The following PUDP variants were observed in gnomAD, a reference collection of about 807,000 sequenced individuals.
PUDP encodes pseudouridine-5'-phosphatase.
In PUDP, 8 loss-of-function variants were observed where a neutral mutation model predicts 9.4. That is an observed-to-expected ratio of 0.85 (90% CI 0.50 to 1.53). The LOEUF (loss-of-function observed/expected upper bound fraction) is 1.53, where lower values mean the gene tolerates loss of function less well. Among genes scored for constraint, PUDP ranks in the 40% most tolerant of loss-of-function variants. The probability of loss-of-function intolerance (pLI) is 0.00; values close to 1 mark genes in which losing one functional copy is unlikely to be tolerated. For missense variants in PUDP, 188 were observed against 189.7 expected, an observed-to-expected ratio of 0.99 and a Z score of 0.05; for synonymous variants, 99 against 80.7, an observed-to-expected ratio of 1.23 and a Z score of -1.22.
At chrX:6,780,176 T>TATACAA (rs1269116618) in intron 3 of PUDP, among the ~76,000 whole-genome samples, 2 of 109,762 alleles carry the variant, frequency 1.8e-5, no homozygotes, top group African/African-American at 6.6e-5. Flanking sequence ...TACACACACA[T>TATACAA]ATACACATAC....
At chrX:6,876,489 G>C (rs202124441) in intron 3 of PUDP, among the ~76,000 whole-genome samples, 2 of 102,483 alleles carry the variant, frequency 2.0e-5, no homozygotes, top group African/African-American at 6.9e-5. Context: ...TATACATATA[G>C]ACACATATAC....
chrX:6,958,689 G>A (rs932846346), intron 3 of PUDP, among the ~76,000 whole-genome samples: 2 of 98,918 alleles, frequency 2.0e-5, no homozygotes, highest in Non-Finnish European at 4.0e-5. Context: ...CTGAGATCAC[G>A]CCATTGCACT....
chrX:7,089,495 G>A (rs1374939933), intron 2 of PUDP, among the ~76,000 whole-genome samples: 1 of 111,355 alleles, frequency 9.0e-6, no homozygotes, highest in Non-Finnish European at 1.9e-5. Flanking sequence ...TTGGGGTGGA[G>A]GGCCCAATGG....
chrX:7,039,883 G>A (rs190452924), intron 1 of PUDP, among the ~76,000 whole-genome samples: 253 of 111,832 alleles, frequency 2.3e-3, no homozygotes, highest in African/African-American at 7.5e-3. Context: ...GACATTCTTC[G>A]GGAGAAATGC....
At chrX:6,933,427 G>C (rs894073998) in intron 3 of PUDP, among the ~76,000 whole-genome samples, 1 of 111,372 alleles carries the variant, frequency 9.0e-6, no homozygotes, top group African/African-American at 3.3e-5. Context: ...TGAGGGTCCT[G>C]TCTGTTAGAA....
chrX:6,896,391 T>C (rs1217086359), intron 3 of PUDP, among the ~76,000 whole-genome samples: 1 of 112,067 alleles, frequency 8.9e-6, no homozygotes, highest in Admixed American at 9.5e-5. Context: ...CTTAACATTG[T>C]TTAAATGGAA....
intron 2 of PUDP, among the ~76,000 whole-genome samples, chrX:7,104,473 A>G (rs1186989451): frequency 1.8e-5 from 2 of 112,019 alleles, no homozygotes; most frequent in African/African-American, 6.5e-5. Context: ...CTGGAGGTCA[A>G]TTGTATAGCA....
chrX:7,047,543 T>G (rs1042102891), downstream of PUDP, among the ~76,000 whole-genome samples: 1 of 112,396 alleles, frequency 8.9e-6, no homozygotes, highest in Non-Finnish European at 1.9e-5. Flanking sequence ...TAACGTGTAC[T>G]CCTCAGCCAA....
chrX:6,726,220 C>T (rs1417840610), upstream of PUDP, among the ~76,000 whole-genome samples: 3 of 111,364 alleles, frequency 2.7e-5, no homozygotes, highest in East Asian at 2.8e-4. Context: ...AACATGGCCT[C>T]TGGTACATAT....
At chrX:6,922,256 T>G (rs890140721) in intron 3 of PUDP, among the ~76,000 whole-genome samples, 3 of 111,868 alleles carry the variant, frequency 2.7e-5, no homozygotes, top group Non-Finnish European at 5.6e-5. Flanking sequence ...TTAAAGAGTG[T>G]AATTGGATTG....
At chrX:6,932,944 C>A (rs1383397312) in intron 3 of PUDP, among the ~76,000 whole-genome samples, 89 of 110,239 alleles carry the variant, frequency 8.1e-4, no homozygotes, top group African/African-American at 2.4e-3. Flanking sequence ...CCCAGGCTTG[C>A]TTAGGTAAAC....
At chrX:7,029,345 C>A (rs934282989) in intron 1 of PUDP, among the ~76,000 whole-genome samples, 1 of 111,709 alleles carries the variant, frequency 9.0e-6, no homozygotes, top group Non-Finnish European at 1.9e-5. Context: ...GAGGGGGCCT[C>A]GACTCAGCTC....
intron 1 of PUDP, among the ~76,000 whole-genome samples, chrX:7,119,639 C>T (rs1444380036): frequency 8.9e-6 from 1 of 112,443 alleles, no homozygotes; most frequent in Middle Eastern, 4.2e-3. Flanking sequence ...ATTGAGTGAT[C>T]ATCTGCAAAG....
chrX:6,748,689 A>C (rs1344176058), intron 3 of PUDP, among the ~76,000 whole-genome samples: 1 of 112,115 alleles, frequency 8.9e-6, no homozygotes, highest in African/African-American at 3.2e-5. Context: ...CTAAAAGAAG[A>C]GATTAAGGTT....
chrX:7,120,074 A>C (rs1180571836), intron 1 of PUDP, among the ~76,000 whole-genome samples: 1 of 110,105 alleles, frequency 9.1e-6, no homozygotes, highest in Non-Finnish European at 1.9e-5. Flanking sequence ...ATGCACACAC[A>C]GACACCCAAA....
intron 3 of PUDP, among the ~76,000 whole-genome samples, chrX:6,947,544 A>G (rs1457887724): frequency 8.9e-6 from 1 of 112,165 alleles, no homozygotes; most frequent in Non-Finnish European, 1.9e-5. Context: ...TGTAATCCCA[A>G]CGCTTTGAGA....
At position 7,108,319 on chromosome X, in the gene PUDP, C is replaced by T. The variant is rs776778447; in HGVS notation, c.62-2481G>A. ...TCTCTCCTGGTCCCAGGGCTCACTGCACTTGCCTGGGGAACTCTCTGGCTC... is the reference window on the plus strand; with the variant it reads ...TCTCTCCTGGTCCCAGGGCTCACTGTACTTGCCTGGGGAACTCTCTGGCTC... On this transcript the variant is annotated intron_variant, in intron 1 of 3. Coordinates refer to ENST00000381077, the MANE Select transcript of PUDP (RefSeq NM_012080.5). Among the ~76,000 whole-genome samples the T allele has an allele frequency of 1.1e-4, 12 of 112,181 alleles. No homozygotes were observed. In the East Asian group the frequency reaches 2.6e-3, roughly 24 times the overall value.
chrX:6,755,922 G>T (rs2146672528), intron 3 of PUDP, among the ~76,000 whole-genome samples: 1 of 111,115 alleles, frequency 9.0e-6, no homozygotes, highest in South Asian at 3.9e-4. Flanking sequence ...TTTCCCAGGA[G>T]ATGAGAATGT....
At chrX:7,024,772 T>TTTTTTTTTTTTTTA (rs1929685771) in intron 1 of PUDP, among the ~76,000 whole-genome samples, 1 of 92,977 alleles carries the variant, frequency 1.1e-5, no homozygotes, top group Non-Finnish European at 2.1e-5. Context: ...TTTTTTTTTT[T>TTTTTTTTTTTTTTA]AGTAGAGACG....
Sources: gnomAD v4.1 joint callset for allele counts (sites outside exome capture counted in the v4.1 genomes callset) on GRCh38, gnomAD v4.1.1 for gene constraint, MANE v1.5 for transcripts, NCBI Gene and HGNC (gene_info 2026-07-23, HGNC 2026-07-21) for gene names.